The following MICAL3 variants were observed in gnomAD, a reference collection of about 807,000 sequenced individuals.
The protein encoded by MICAL3 is [F-actin]-monooxygenase MICAL3.
MICAL3 carries 62 observed loss-of-function variants against 207.4 expected under a neutral mutation model. The observed-to-expected ratio is 0.30, with a 90% CI of 0.24 to 0.37. The LOEUF (loss-of-function observed/expected upper bound fraction) is 0.37, where lower values mean the gene tolerates loss of function less well. MICAL3 is among the 10% of genes least tolerant of loss of function. MICAL3 has a pLI of 1.00. For synonymous variants in MICAL3, 1,077 were observed against 1,069.3 expected (o/e 1.01, Z -0.14); for missense variants, 2,368 against 2,635.6 (o/e 0.90, Z 2.22).
chr22:17,858,274 AGAG>A (rs1159219731), intron 19 of MICAL3, among the ~76,000 whole-genome samples: 10 of 152,174 alleles, frequency 6.6e-5, no homozygotes, highest in Non-Finnish European at 1.0e-4. Flanking sequence ...GGCGGTGGTG[AGAG>A]GAGCCCACAG....
intron 1 of MICAL3, among the ~76,000 whole-genome samples, chr22:18,013,312 C>T (rs376112429): frequency 3.3e-5 from 5 of 152,304 alleles, no homozygotes; most frequent in South Asian, 2.1e-4. Flanking sequence ...AGCCCTAGAG[C>T]ATATTGCTGT....
chr22:17,888,219 C>G (rs190722462), intron 13 of MICAL3, among the ~76,000 whole-genome samples: 48 of 152,258 alleles, frequency 3.2e-4, no homozygotes, highest in African/African-American at 1.1e-3. Flanking sequence ...GAAAGTGAGA[C>G]ACAGGAAAAT....
intron 17 of MICAL3, among the ~76,000 whole-genome samples, 176 bp from the exon 18 acceptor site, chr22:17,866,188 T>G (rs1927087219): frequency 6.6e-6 from 1 of 152,194 alleles, no homozygotes; most frequent in Non-Finnish European, 1.5e-5. Flanking sequence ...CCGGGTAAAC[T>G]TTGATTCTAG....
rs367919540 is a variant in MICAL3, at chr22:17,902,797, A to C, written c.473-50T>G. 98 of 1,185,914 alleles carry C rather than the reference A, an allele frequency of 8.3e-5. 1 individual carries two copies. In the South Asian group the frequency reaches 1.1e-3, roughly 13 times the overall value. 73.5% of individuals were successfully genotyped at this position (1,185,914 alleles called of 1,614,324 possible). On this transcript the variant is annotated intron_variant, in intron 3 of 31. Coordinates refer to ENST00000441493, the MANE Select transcript of MICAL3 (RefSeq NM_015241.3). This position sits in a 1 kb window ranked among gnomAD's most constrained non-coding sequence, Gnocchi z 4.5. Reference sequence around the variant, plus strand: ...GATGGGAACACATGGAGAAGGGGGTACCCATCCGTGTCGCAGCTCAGGCTC... The same window carrying C: ...GATGGGAACACATGGAGAAGGGGGTCCCCATCCGTGTCGCAGCTCAGGCTC...
chr22:17,932,068 G>A (rs1489840636), intron 1 of MICAL3, among the ~76,000 whole-genome samples: 1 of 152,196 alleles, frequency 6.6e-6, no homozygotes, highest in African/African-American at 2.4e-5. Flanking sequence ...ATATGCACAG[G>A]TGATGGTGAC....
chr22:17,832,144 T>G lies in MICAL3; in HGVS notation c.2802-37A>C, dbSNP rs1371786273. ...TAACCACATAGCCAGAGTGAGGGAA[T>G]GAAGAAAAACTGAGAAGGGGAAGGG... On this transcript the variant is annotated intron_variant, in intron 20 of 31. Transcript: ENST00000441493. 6 of 1,548,970 alleles carry G rather than the reference T, an allele frequency of 3.9e-6. No homozygotes were observed. The South Asian group carries it at 7.1e-5, about 18-fold the overall frequency.
intron 19 of MICAL3, among the ~76,000 whole-genome samples, chr22:17,854,535 C>G (rs562055630): frequency 1.3e-5 from 2 of 152,164 alleles, no homozygotes; most frequent in South Asian, 4.2e-4. Flanking sequence ...GAACAGGTAG[C>G]TCTGGGCTTG....
At chr22:17,871,630 A>T (rs765256822) in intron 17 of MICAL3, among the ~76,000 whole-genome samples, 8 of 152,238 alleles carry the variant, frequency 5.3e-5, no homozygotes, top group Non-Finnish European at 1.2e-4. Flanking sequence ...TGCCATTCTC[A>T]TCAGCCTGGT....
intron 9 of MICAL3, 148 bp from the exon 10 acceptor site, chr22:17,895,558 G>A (rs763635948): frequency 1.0e-5 from 9 of 901,936 alleles, no homozygotes; most frequent in Non-Finnish European, 1.4e-5. Context: ...TCCTACGTCA[G>A]CCCCTGCTCC....
intron 29 of MICAL3, among the ~76,000 whole-genome samples, chr22:17,804,750 C>T (rs1042921134): frequency 2.6e-5 from 4 of 152,200 alleles, no homozygotes; most frequent in African/African-American, 9.6e-5. Context: ...CTCCAAACCC[C>T]GCATTCTGAA....
chr22:17,938,631 G>A (rs1312175408), intron 1 of MICAL3, among the ~76,000 whole-genome samples: 1 of 152,210 alleles, frequency 6.6e-6, no homozygotes, highest in Non-Finnish European at 1.5e-5. Context: ...TGAAATGAAT[G>A]AGGAGTGCCT....
intron 17 of MICAL3, among the ~76,000 whole-genome samples, chr22:17,866,613 C>CTGAATAGAAT: frequency 7.3e-6 from 1 of 136,268 alleles, no homozygotes; most frequent in East Asian, 2.2e-4. Flanking sequence ...TAGAACAGAA[C>CTGAATAGAAT]AGAATAGAAT....
chr22:17,796,451 C>G lies in MICAL3; in HGVS notation c.5651-5150G>C, dbSNP rs541639467. ...TGCACCACCCACGTGATCCTCACAC[C>G]GGCCAGGTGTGGCTGCCAGGATGGG... On this transcript the variant is annotated intron_variant, in intron 29 of 31. Coordinates refer to ENST00000441493, the MANE Select transcript of MICAL3 (RefSeq NM_015241.3). The surrounding 1 kb of genome is among the most constrained non-coding windows in gnomAD (Gnocchi z 4.4). Among the ~76,000 whole-genome samples, 4 of 152,262 alleles carry G rather than the reference C, an allele frequency of 2.6e-5. No individual in the cohort carries two copies. The highest frequency in any genetic ancestry group is 9.6e-5 in the African/African-American group (4 of 41,472).
At chr22:17,824,160 C>T (rs1191423633) in intron 22 of MICAL3, among the ~76,000 whole-genome samples, 1 of 152,218 alleles carries the variant, frequency 6.6e-6, no homozygotes, top group African/African-American at 2.4e-5. Flanking sequence ...TCTGAGGACA[C>T]TGTGAGACCC....
chr22:17,999,289 C>T (rs1446200903), intron 1 of MICAL3, among the ~76,000 whole-genome samples: 1 of 152,238 alleles, frequency 6.6e-6, no homozygotes, highest in Non-Finnish European at 1.5e-5. Context: ...AAGGGCAACA[C>T]ATGATCCAGG....
chr22:17,808,983 T>A (rs1254782103), intron 28 of MICAL3, 46 bp from the exon 29 acceptor site: 3 of 1,483,830 alleles, frequency 2.0e-6, no homozygotes, highest in Non-Finnish European at 2.7e-6. Flanking sequence ...CCAGCCCTGC[T>A]TCAGGAGGAC....
chr22:17,821,617 C>A, intron 24 of MICAL3, 108 bp from the exon 25 acceptor site: 1 of 875,558 alleles, frequency 1.1e-6, no homozygotes, highest in South Asian at 1.6e-5. Flanking sequence ...GAGGGCGAGT[C>A]GCTGAGTCGG....
intron 16 of MICAL3, among the ~76,000 whole-genome samples, chr22:17,877,842 C>T (rs1399884586): frequency 6.6e-6 from 1 of 152,094 alleles, no homozygotes; most frequent in African/African-American, 2.4e-5. Flanking sequence ...GCTCCCCTCC[C>T]TTCTTCTTTT....
intron 22 of MICAL3, among the ~76,000 whole-genome samples, chr22:17,823,756 A>G (rs1921884646): frequency 6.6e-6 from 1 of 152,218 alleles, no homozygotes; most frequent in African/African-American, 2.4e-5. Context: ...AGATTACAAC[A>G]TCCGAAAAAA....
Sources: gnomAD v4.1 joint callset for allele counts (sites outside exome capture counted in the v4.1 genomes callset) on GRCh38, gnomAD v4.1.1 for gene constraint, Gnocchi (gnomAD v3.1) non-coding constraint, MANE v1.5 for transcripts, NCBI Gene and HGNC (gene_info 2026-07-23, HGNC 2026-07-21) for gene names.